The following RYR3 variants were observed in gnomAD, a reference collection of about 807,000 sequenced individuals.
The protein encoded by RYR3 is ryanodine receptor 3, also known as brain ryanodine receptor-calcium release channel.
A neutral mutation model predicts 584.3 loss-of-function variants in RYR3; 207 were observed. The ratio of observed to expected loss-of-function variants is 0.35; its 90% CI spans 0.32 to 0.40. RYR3 has a LOEUF of 0.40. Ranked by LOEUF, RYR3 falls within the 10% of genes least tolerant of loss-of-function variation. RYR3 has a pLI of 1.00. For missense variants in RYR3, 5,616 were observed against 6,089.2 expected (o/e 0.92, Z 2.59); for synonymous variants, 2,416 against 2,248.5 (o/e 1.07, Z -2.11).
chr15:33,687,139 C>A (rs1030227229), intron 38 of RYR3, among the ~76,000 whole-genome samples: 2 of 152,228 alleles, frequency 1.3e-5, no homozygotes, highest in South Asian at 4.1e-4. Context: ...CCCTGTTTGC[C>A]AATGACATGA....
In RYR3 at chr15:33,652,787, G is replaced by A; in HGVS notation, c.4212G>A (p.Arg1404=). Reference sequence around the variant, plus strand: ...TAGCCAGTTCCCAGAGATCAAATCGGAGCAACGTGGACCTGGAGATCGGCT... The same window carrying A: ...TAGCCAGTTCCCAGAGATCAAATCGAAGCAACGTGGACCTGGAGATCGGCT... ...DIVASSQRSN[R]SNVDLEIGCL... is the part of the protein sequence containing the mutation. Residue 1404 remains arginine, a synonymous_variant, in exon 32 of 104, where the codon CGG becomes CGA. Transcript: ENST00000634891. 6.2e-7 allele frequency: 1 copy of A among 1,613,886 alleles called. No homozygotes were observed.
At position 33,820,030 on chromosome 15, in the gene RYR3, A is replaced by G. The variant is rs2077029429; in HGVS notation, c.10758+223A>G. Among the ~76,000 whole-genome samples, 4 of 152,230 alleles carry G rather than the reference A, an allele frequency of 2.6e-5. No individual in the cohort carries two copies. In the South Asian group the frequency reaches 8.3e-4, roughly 32 times the overall value. On this transcript the variant is annotated intron_variant, in intron 77 of 103. Transcript: ENST00000634891. ...TTGCAGAAACAATGGGTGCTGGTGG[A>G]TAGGTTCACACTGACATTTCTAAAG... is the stretch of plus-strand genomic sequence containing the variant.
chr15:33,628,758 A>G (rs940055242), intron 21 of RYR3, among the ~76,000 whole-genome samples, 183 bp downstream of exon 21: 1 of 152,190 alleles, frequency 6.6e-6, no homozygotes, highest in South Asian at 2.1e-4. Flanking sequence ...GGTTTATTTT[A>G]TTCGGGATAT....
chr15:33,509,921 G>A (rs1214485603), intron 3 of RYR3, among the ~76,000 whole-genome samples: 2 of 152,168 alleles, frequency 1.3e-5, no homozygotes, highest in Non-Finnish European at 2.9e-5. Flanking sequence ...TAACTTGCTT[G>A]ACTTGACTCT....
chr15:33,581,569 A>G lies in RYR3; in HGVS notation c.1499A>G (p.His500Arg), dbSNP rs1183318561. ...DRLNVYNSVA[H>R]FAGIAREESG... ...TTAAATGTCTACAATAGCGTAGCAC[A>G]CTTTGCAGGGATTGCAAGGGAAGAG... The change falls in exon 14 of 104, where the codon CAC (histidine) becomes CGC (arginine). Residue 500 changes from histidine to arginine, a missense_variant. His to Arg is a conservative substitution (Grantham distance 29). Transcript: ENST00000634891. 3.1e-6 allele frequency: 5 copies of G among 1,613,148 alleles called. No individual in the cohort carries two copies. Among genetic ancestry groups the G allele is most frequent in the South Asian group, 1.1e-5 (1 of 91,072 alleles).
chr15:33,716,394 C>G (rs1460220961), intron 43 of RYR3, among the ~76,000 whole-genome samples: 1 of 152,110 alleles, frequency 6.6e-6, no homozygotes, highest in Non-Finnish European at 1.5e-5. Context: ...CTTCTTCGTT[C>G]TCCCACTGGA....
At chr15:33,336,718 A>G (rs1971138325) in intron 1 of RYR3, among the ~76,000 whole-genome samples, 1 of 151,692 alleles carries the variant, frequency 6.6e-6, no homozygotes, top group Admixed American at 6.6e-5. Context: ...AGGGGAATCT[A>G]AGAATGCCTG....
intron 102 of RYR3, among the ~76,000 whole-genome samples, chr15:33,861,960 G>A (rs1319683838): frequency 6.6e-6 from 1 of 151,928 alleles, no homozygotes; most frequent in Non-Finnish European, 1.5e-5. Flanking sequence ...ACAATGCCTG[G>A]CACCCAGTAG....
intron 27 of RYR3, among the ~76,000 whole-genome samples, chr15:33,643,010 G>T (rs1238987630): frequency 6.6e-6 from 1 of 152,196 alleles, no homozygotes; most frequent in African/African-American, 2.4e-5. Context: ...TATGTAACTT[G>T]TTATTTACAT....
chr15:33,343,731 T>A (rs192308951), intron 1 of RYR3, among the ~76,000 whole-genome samples: 135 of 152,358 alleles, frequency 8.9e-4, no homozygotes, highest in African/African-American at 3.1e-3. Context: ...TCCTATTGTT[T>A]GGTTCAATTT....
chr15:33,722,967 A>G (rs565767669), intron 44 of RYR3, 72 bp downstream of exon 44: 1 of 1,313,220 alleles, frequency 7.6e-7, no homozygotes, highest in Admixed American at 2.3e-5. Context: ...TATACGGATG[A>G]TTTAGGAGGT....
At chr15:33,856,255 C>T (rs2079646910) in intron 98 of RYR3, 1 of 152,228 alleles carries the variant, frequency 6.6e-6, no homozygotes, top group Admixed American at 6.5e-5. Context: ...GTTTGAGTCA[C>T]TATTCTTCCC....
intron 1 of RYR3, among the ~76,000 whole-genome samples, chr15:33,437,724 C>T (rs187125196): frequency 6.6e-6 from 1 of 152,114 alleles, no homozygotes; most frequent in Non-Finnish European, 1.5e-5. Flanking sequence ...ACCACATTAT[C>T]CTACTATAAC....
At chr15:33,584,136 G>A (rs2572197) in intron 14 of RYR3, among the ~76,000 whole-genome samples, 31,996 of 152,036 alleles carry the variant, frequency 0.21, 3,790 homozygotes, top group Middle Eastern at 0.38. Context: ...TACTCTGGAG[G>A]CTGAGGCGAG....
chr15:33,367,185 G>C (rs921097023), intron 1 of RYR3, among the ~76,000 whole-genome samples: 27 of 152,302 alleles, frequency 1.8e-4, no homozygotes, highest in African/African-American at 6.5e-4. Flanking sequence ...CAGAAAACAT[G>C]TAGTTTATTA....
rs2078157524 is a variant in RYR3, at chr15:33,838,227, G to C, written c.12247G>C (p.Glu4083Gln). The C allele has an allele frequency of 5.0e-6, 8 of 1,614,014 alleles. 1 individual carries two copies. The Admixed American group carries it at 1.2e-4, about 24-fold the overall frequency. Residue 4083 changes from glutamate (E) to glutamine (Q), a missense_variant, in exon 89 of 104, where the codon GAG becomes CAG. Coordinates refer to ENST00000634891, the MANE Select transcript of RYR3 (RefSeq NM_001036.6). The stretch of plus-strand genomic sequence containing the variant: ...TGAAGGTGGGGAGCAGGAAAAGATG[G>C]AGCTGTTTGTGAACTTCTGTGAGGA... ...VNEGGEQEKM[E>Q]LFVNFCEDTI...
chr15:33,599,472 G>C (rs1248736164), intron 16 of RYR3, among the ~76,000 whole-genome samples: 3 of 152,146 alleles, frequency 2.0e-5, no homozygotes, highest in African/African-American at 7.2e-5. Context: ...TGGAAAGGCA[G>C]GATAACTTGA....
intron 2 of RYR3, among the ~76,000 whole-genome samples, chr15:33,487,932 C>T (rs2050601371): frequency 6.6e-6 from 1 of 152,150 alleles, no homozygotes; most frequent in African/African-American, 2.4e-5. Flanking sequence ...CTATTTCTAA[C>T]AGTCAAGGAA....
intron 69 of RYR3, among the ~76,000 whole-genome samples, chr15:33,805,889 T>C (rs986866911): frequency 6.6e-6 from 1 of 151,954 alleles, no homozygotes; most frequent in South Asian, 2.1e-4. Flanking sequence ...CGCACACTCA[T>C]CCTCTTCTTC....
Sources: allele counts gnomAD v4.1 joint callset (sites outside exome capture counted in the v4.1 genomes callset), GRCh38; gene constraint gnomAD v4.1.1; transcripts MANE v1.5; gene names NCBI Gene and HGNC (gene_info 2026-07-23, HGNC 2026-07-21).